Variants in RNF138 observed in about 807,000 individuals in gnomAD.
RNF138 encodes the protein ring finger protein 138.
Under a neutral mutation model 31.0 loss-of-function variants are expected in RNF138, and 12 were observed. The ratio of observed to expected loss-of-function variants is 0.39; its 90% CI spans 0.25 to 0.63. The LOEUF (loss-of-function observed/expected upper bound fraction) is 0.63. Ranked by LOEUF, RNF138 falls within the 20% of genes least tolerant of loss-of-function variation. The pLI is 0.52. For missense variants in RNF138, 192 were observed against 300.1 expected (o/e 0.64, Z 2.66); for synonymous variants, 105 against 99.5 (o/e 1.06, Z -0.33).
intron 2 of RNF138, among the ~76,000 whole-genome samples, chr18:32,093,294 T>G (rs1473535275): frequency 1.3e-5 from 2 of 151,926 alleles, no homozygotes; most frequent in African/African-American, 4.8e-5. Flanking sequence ...GGGTGAAGGC[T>G]GGGGTGTCGA....
At chr18:32,121,119 G>C (rs2040297179) in intron 4 of RNF138, among the ~76,000 whole-genome samples, 1 of 143,938 alleles carries the variant, frequency 6.9e-6, no homozygotes, top group African/African-American at 2.6e-5. Context: ...TGGGAGACAA[G>C]AGTGAGACTG....
intron 4 of RNF138, among the ~76,000 whole-genome samples, chr18:32,121,159 C>G (rs1248688270): frequency 1.3e-5 from 2 of 149,230 alleles, no homozygotes; most frequent in African/African-American, 4.9e-5. Flanking sequence ...AAAAAAAAAG[C>G]AGATCCAAAT....
chr18:32,097,972 GTGTGT>G (rs199597143), intron 2 of RNF138, among the ~76,000 whole-genome samples: 45,580 of 113,158 alleles, frequency 0.4, 8,168 homozygotes, highest in Admixed American at 0.53. Context: ...GTGTGTGTGT[GTGTGT>G]TATTTTTGTT....
At position 32,092,536 on chromosome 18, in the gene RNF138, C is replaced by T. The variant is rs541803550; in HGVS notation, c.-77-164C>T. The T allele has an allele frequency of 5.3e-5, 27 of 504,676 alleles. No homozygotes were observed. In the South Asian group the frequency reaches 6.2e-4, roughly 12 times the overall value. The allele number at this position is 504,676 out of a possible 1,614,324, so 31.3% of individuals were successfully genotyped here. A position where few individuals can be genotyped will look rare whatever the true frequency, so the allele number is the denominator to read the frequency against. On this transcript the variant is annotated intron_variant, in intron 1 of 7. Coordinates refer to ENST00000261593, the MANE Select transcript of RNF138 (RefSeq NM_016271.5). ...CAGCCTCCCGCCAAGCACCGTCCCC[C>T]ATCCAGCCCCCTGTGGGAGGAGCCG...
At chr18:32,109,781 T>G (rs983472389) in intron 2 of RNF138, among the ~76,000 whole-genome samples, 1 of 151,974 alleles carries the variant, frequency 6.6e-6, no homozygotes, top group Non-Finnish European at 1.5e-5. Flanking sequence ...ACCTACTGGG[T>G]AGGCTGAGGC....
rs1387136802 is a variant in RNF138, at chr18:32,117,978, T to C, written c.392+4118T>C. Among the ~76,000 whole-genome samples, 3 of 152,178 alleles carry C rather than the reference T, an allele frequency of 2.0e-5. No homozygotes were observed. In the East Asian group the frequency reaches 5.8e-4, roughly 29 times the overall value. The stretch of plus-strand genomic sequence containing the variant: ...CAATTTTATCCTCCTTGGAAATCAT[T>C]TGGTCTGTTTTCAGGCTGTTCTTAC... On this transcript the variant is annotated intron_variant, in intron 4 of 7. Transcript: ENST00000261593.
intron 4 of RNF138, among the ~76,000 whole-genome samples, chr18:32,121,298 C>T (rs1300354554): frequency 6.6e-6 from 1 of 152,074 alleles, no homozygotes; most frequent in Non-Finnish European, 1.5e-5. Context: ...GAGTTTGAGA[C>T]CAGCCTGACC....
chr18:32,123,753 A>G (rs1157106472), intron 5 of RNF138, among the ~76,000 whole-genome samples, 179 bp downstream of exon 5: 1 of 151,528 alleles, frequency 6.6e-6, no homozygotes, highest in Non-Finnish European at 1.5e-5. Flanking sequence ...CTCAGGTTCA[A>G]GTGATTCTCC....
In RNF138 at chr18:32,129,335, T is replaced by C. The variant is rs542697278; in HGVS notation, c.*148T>C. 1.8e-6 allele frequency: 1 copy of C among 548,684 alleles called. No homozygotes were observed. The highest frequency in any genetic ancestry group is 1.9e-5 in the African/African-American group (1 of 53,514). The allele number at this position is 548,684 out of a possible 1,614,324, so 34.0% of individuals were successfully genotyped here. A position where few individuals can be genotyped will look rare whatever the true frequency, so the allele number is the denominator to read the frequency against. ...TTTTGATTGAAAATAAAGGTAGGGCTTCTAAAAACTTCATCATCTTGATAA... is the reference window on the plus strand; with the variant it reads ...TTTTGATTGAAAATAAAGGTAGGGCCTCTAAAAACTTCATCATCTTGATAA... On this transcript the variant is annotated 3_prime_UTR_variant, in exon 8 of 8. Coordinates refer to ENST00000261593, the MANE Select transcript of RNF138 (RefSeq NM_016271.5).
At chr18:32,107,817 TATTTA>T (rs1439604143) in intron 2 of RNF138, among the ~76,000 whole-genome samples, 1 of 150,326 alleles carries the variant, frequency 6.7e-6, no homozygotes, top group African/African-American at 2.5e-5. Flanking sequence ...GTGCCGGCCT[TATTTA>T]ATTATTTTTA....
intron 5 of RNF138, 142 bp downstream of exon 5, chr18:32,123,716 G>T (rs1245708881): frequency 1.4e-5 from 7 of 500,212 alleles, no homozygotes; most frequent in South Asian, 9.0e-5. Context: ...GCAGTGGTGC[G>T]ATCTTGGCTC....
In RNF138 at chr18:32,131,381, T is replaced by C. The variant is rs1233592625; in HGVS notation, c.*2194T>C. On this transcript the variant is annotated 3_prime_UTR_variant, in exon 8 of 8. Transcript: ENST00000261593. ...AATTAAATTTATGGGGAAAAGTTTATTTTTAATATTACTTATAGCTGAGTC... is the reference window on the plus strand; with the variant it reads ...AATTAAATTTATGGGGAAAAGTTTACTTTTAATATTACTTATAGCTGAGTC... The C allele has an allele frequency of 6.6e-6, 1 of 152,176 alleles. No homozygotes were observed. Among genetic ancestry groups the C allele is most frequent in the Non-Finnish European group, 1.5e-5 (1 of 67,994 alleles). The allele number at this position is 152,176 out of a possible 1,614,324, so 9.4% of individuals were successfully genotyped here. A position where few individuals can be genotyped will look rare whatever the true frequency, so the allele number is the denominator to read the frequency against.
chr18:32,122,924 A>T (rs1217578298), intron 4 of RNF138, among the ~76,000 whole-genome samples: 10 of 152,228 alleles, frequency 6.6e-5, no homozygotes, highest in African/African-American at 2.4e-4. Context: ...CTCTTCCCTC[A>T]GGATTCCTCT....
intron 2 of RNF138, among the ~76,000 whole-genome samples, chr18:32,098,434 C>T (rs1408300337): frequency 2.0e-5 from 3 of 152,212 alleles, no homozygotes; most frequent in Admixed American, 6.6e-5. Context: ...CAGGTGAGTG[C>T]CACAGCACCT....
chr18:32,101,762 ATTTTGTT>A (rs1291791446), intron 2 of RNF138, among the ~76,000 whole-genome samples: 1 of 152,108 alleles, frequency 6.6e-6, no homozygotes, highest in Admixed American at 6.6e-5. Flanking sequence ...ATCTTTGCCA[ATTTTGTT>A]TTTTTAAGCA....
intron 5 of RNF138, 122 bp downstream of exon 5, chr18:32,123,696 A>G (rs1050683910): frequency 3.7e-5 from 22 of 593,782 alleles, no homozygotes; most frequent in Middle Eastern, 4.9e-4. Flanking sequence ...TTGTTTTCCC[A>G]GGCTGGAGTG....
At chr18:32,099,327 G>GT (rs1044308754) in intron 2 of RNF138, among the ~76,000 whole-genome samples, 37 of 152,124 alleles carry the variant, frequency 2.4e-4, no homozygotes, top group African/African-American at 8.0e-4. Flanking sequence ...AGAATAATTC[G>GT]TTTTATGTCT....
At chr18:32,121,519 C>T (rs2040305769) in intron 4 of RNF138, among the ~76,000 whole-genome samples, 1 of 152,046 alleles carries the variant, frequency 6.6e-6, no homozygotes, top group Non-Finnish European at 1.5e-5. Context: ...AGTTTTAATC[C>T]TATTTTCTAA....
intron 5 of RNF138, chr18:32,124,454 A>G (rs2040354366): frequency 6.9e-6 from 2 of 291,428 alleles, no homozygotes; most frequent in African/African-American, 4.2e-5. Context: ...ACCTAACTAC[A>G]TAATATATGG....
Sources: allele counts gnomAD v4.1 joint callset (sites outside exome capture counted in the v4.1 genomes callset), GRCh38; gene constraint gnomAD v4.1.1; transcripts MANE v1.5; gene names NCBI Gene and HGNC (gene_info 2026-07-23, HGNC 2026-07-21).